Variants in CADM2 observed in about 807,000 individuals in gnomAD.
The protein encoded by CADM2 is cell adhesion molecule 2, also known as immunoglobulin superfamily member 4D.
A neutral mutation model predicts 49.8 loss-of-function variants in CADM2; 12 were observed. The observed-to-expected ratio is 0.24, with a 90% CI of 0.15 to 0.39. The LOEUF (loss-of-function observed/expected upper bound fraction) is 0.39, where lower values mean the gene tolerates loss of function less well. CADM2 is among the 10% of genes least tolerant of loss of function. CADM2 has a pLI of 1.00. For synonymous variants in CADM2, 214 were observed against 175.4 expected (o/e 1.22, Z -1.74); for missense variants, 378 against 492.3 (o/e 0.77, Z 2.20).
At position 85,772,044 on chromosome 3, in the gene CADM2, T is replaced by C. The variant is rs376751733; in HGVS notation, c.89-30003T>C. On this transcript the variant is annotated intron_variant, in intron 2 of 9. Transcript: ENST00000383699. ...TTTTTTTTTTGGTACGTGTATAAAATGTATTGATAAAAGAATCTGTGCACC... is the reference window on the plus strand; with the variant it reads ...TTTTTTTTTTGGTACGTGTATAAAACGTATTGATAAAAGAATCTGTGCACC... Among the ~76,000 whole-genome samples the C allele has an allele frequency of 9.8e-5, 14 of 142,228 alleles. No homozygotes were observed. The East Asian group carries it at 2.4e-3, about 25-fold the overall frequency. 93.3% of individuals were successfully genotyped at this position (142,228 alleles called of 152,430 possible).
intron 1 of CADM2, among the ~76,000 whole-genome samples, chr3:84,998,163 G>A (rs1226599900): frequency 1.3e-5 from 2 of 152,066 alleles, no homozygotes; most frequent in Non-Finnish European, 2.9e-5. Context: ...TTGAACTATA[G>A]TAAGCTATTT....
chr3:85,118,357 T>A (rs924774661), intron 1 of CADM2, among the ~76,000 whole-genome samples: 1 of 152,158 alleles, frequency 6.6e-6, no homozygotes, highest in African/African-American at 2.4e-5. Flanking sequence ...GTTTTCACGC[T>A]GCTGATAAAG....
chr3:85,314,632 C>T lies in CADM2; in HGVS notation c.61+354964C>T, dbSNP rs576738579. ...TATCTATATTTTATTAATTCTGTTTCTTTAATGATACCTCTTACTCAATAA... is the reference window on the plus strand; with the variant it reads ...TATCTATATTTTATTAATTCTGTTTTTTTAATGATACCTCTTACTCAATAA... On this transcript the variant is annotated intron_variant, in intron 1 of 9. Coordinates refer to ENST00000383699, the MANE Select transcript of CADM2 (RefSeq NM_001167675.2). Among the ~76,000 whole-genome samples, 33 of 152,194 alleles carry T rather than the reference C, an allele frequency of 2.2e-4. No individual in the cohort carries two copies. The East Asian group carries it at 5.8e-3, about 27-fold the overall frequency.
chr3:85,469,586 AAG>A (rs1380864257), intron 1 of CADM2, among the ~76,000 whole-genome samples: 2 of 152,192 alleles, frequency 1.3e-5, no homozygotes, highest in African/African-American at 4.8e-5. Context: ...AAGCAAGAGA[AAG>A]GGGGAGAAAT....
intron 1 of CADM2, among the ~76,000 whole-genome samples, chr3:85,722,931 A>G (rs1443026190): frequency 6.6e-6 from 1 of 152,224 alleles, no homozygotes; most frequent in Non-Finnish European, 1.5e-5. Flanking sequence ...AAAACTGATT[A>G]AACAAATCAG....
At chr3:85,235,387 T>C (rs1461268889) in intron 1 of CADM2, among the ~76,000 whole-genome samples, 2 of 152,114 alleles carry the variant, frequency 1.3e-5, no homozygotes, top group Admixed American at 1.3e-4. Context: ...TTATTACTTA[T>C]GAATTATATC....
At chr3:85,536,459 TTG>T (rs869130375) in intron 1 of CADM2, among the ~76,000 whole-genome samples, 52 of 104,614 alleles carry the variant, frequency 5.0e-4, no homozygotes, top group Middle Eastern at 5.3e-3. Context: ...AAATATAGTA[TTG>T]TTTTTTTCTT....
At chr3:85,739,723 A>G (rs929286432) in intron 2 of CADM2, among the ~76,000 whole-genome samples, 1 of 152,164 alleles carries the variant, frequency 6.6e-6, no homozygotes. Context: ...GTGAGGAAGC[A>G]CTGAAAATAG....
rs1007877530 is a variant in CADM2 at position 85,935,921 on chromosome 3, C to T, written c.791+64C>T. 1.6e-5 allele frequency: 14 copies of T among 883,238 alleles called. No individual in the cohort carries two copies. The Admixed American group carries it at 3.0e-4, about 19-fold the overall frequency. The allele number at this position is 883,238 out of a possible 1,614,324, so 54.7% of individuals were successfully genotyped here. On this transcript the variant is annotated intron_variant, in intron 7 of 9. Transcript: ENST00000383699. ...TTCTTTTATCTTGCTTTGATTACAG[C>T]CTTTAACTGTAGAAATCCACAGTTT...
At chr3:85,387,555 A>C (rs1182776757) in intron 1 of CADM2, among the ~76,000 whole-genome samples, 1 of 152,186 alleles carries the variant, frequency 6.6e-6, no homozygotes, top group East Asian at 1.9e-4. Flanking sequence ...TGGATAAAAC[A>C]CTGAACTCTT....
chr3:85,241,656 A>G (rs2042532286), intron 1 of CADM2, among the ~76,000 whole-genome samples: 1 of 151,644 alleles, frequency 6.6e-6, no homozygotes, highest in Non-Finnish European at 1.5e-5. Context: ...CTTAGTAGAT[A>G]CATTTATTCT....
intron 1 of CADM2, among the ~76,000 whole-genome samples, chr3:85,400,600 G>A (rs1213825239): frequency 6.6e-6 from 1 of 152,084 alleles, no homozygotes; most frequent in Non-Finnish European, 1.5e-5. Flanking sequence ...TGGTTGGTAG[G>A]CTATTAATTA....
intron 3 of CADM2, among the ~76,000 whole-genome samples, chr3:85,853,239 C>T (rs1474753510): frequency 1.3e-5 from 2 of 151,462 alleles, no homozygotes; most frequent in East Asian, 1.9e-4. Flanking sequence ...ACATTTTCTA[C>T]ATAACCATTG....
At chr3:85,628,675 A>C (rs1357732481) in intron 1 of CADM2, among the ~76,000 whole-genome samples, 2 of 148,424 alleles carry the variant, frequency 1.3e-5, no homozygotes, top group African/African-American at 2.5e-5. Flanking sequence ...GTATATATAC[A>C]CATATATATA....
At chr3:85,552,312 C>G (rs1177399949) in intron 1 of CADM2, among the ~76,000 whole-genome samples, 2 of 146,228 alleles carry the variant, frequency 1.4e-5, no homozygotes, top group South Asian at 2.2e-4. Context: ...GACAGGTGTA[C>G]TTTATTAAAT....
intron 1 of CADM2, among the ~76,000 whole-genome samples, chr3:85,493,109 G>A (rs775705481): frequency 6.6e-6 from 1 of 151,932 alleles, no homozygotes; most frequent in African/African-American, 2.4e-5. Context: ...ATTGGATACG[G>A]CATATTGTAT....
chr3:85,612,392 A>T (rs1302666960), intron 1 of CADM2, among the ~76,000 whole-genome samples: 1 of 151,790 alleles, frequency 6.6e-6, no homozygotes, highest in Non-Finnish European at 1.5e-5. Flanking sequence ...TTTCTTGCAA[A>T]ATAAGGATTA....
At chr3:85,260,857 C>T (rs149554883) in intron 1 of CADM2, among the ~76,000 whole-genome samples, 46 of 152,214 alleles carry the variant, frequency 3.0e-4, no homozygotes, top group African/African-American at 8.7e-4. Context: ...TGTGACTCCA[C>T]GATTGTGGAA....
chr3:85,145,889 G>A (rs761832819), intron 1 of CADM2, among the ~76,000 whole-genome samples: 1 of 151,944 alleles, frequency 6.6e-6, no homozygotes, highest in Non-Finnish European at 1.5e-5. Context: ...ATGTTAACAC[G>A]GCAATGGTAG....
Sources: allele counts gnomAD v4.1 joint callset (sites outside exome capture counted in the v4.1 genomes callset), GRCh38; gene constraint gnomAD v4.1.1; transcripts MANE v1.5; gene names NCBI Gene and HGNC (gene_info 2026-07-23, HGNC 2026-07-21).